KREMEN1: variants seen among roughly 807,000 people sequenced by gnomAD.
KREMEN1 encodes the protein kringle containing transmembrane protein 1.
A neutral mutation model predicts 46.5 loss-of-function variants in KREMEN1; 30 were observed. The ratio of observed to expected loss-of-function variants is 0.65; its 90% CI spans 0.48 to 0.88. The LOEUF (loss-of-function observed/expected upper bound fraction) is 0.88. KREMEN1 is among the 40% of genes least tolerant of loss of function. KREMEN1 has a pLI of 0.00. For synonymous variants in KREMEN1, 214 were observed against 230.6 expected (o/e 0.93, Z 0.65); for missense variants, 533 against 596.9 (o/e 0.89, Z 1.11).
In KREMEN1 at chr22:29,117,383, T is replaced by C. The variant is rs532828774; in HGVS notation, c.353-3974T>C. Among the ~76,000 whole-genome samples, 286 of 152,220 alleles carry C rather than the reference T, an allele frequency of 1.9e-3. 1 individual carries two copies. Among genetic ancestry groups the C allele is most frequent in the Middle Eastern group, 0.01 (3 of 294 alleles). On this transcript the variant is annotated intron_variant, in intron 3 of 8. Transcript: ENST00000400335. Reference sequence around the variant, plus strand: ...GAGATCGAGACCATCCTGGCTAACATGGTGAAACCCTGTCTGTACTAAAAA... The same window carrying C: ...GAGATCGAGACCATCCTGGCTAACACGGTGAAACCCTGTCTGTACTAAAAA...
rs1287882216 is a variant in KREMEN1, at chr22:29,142,369, T to C, written c.*257T>C. ...TGGGGCCCGGCCCTCTCTGCATCTC[T>C]CTCTGATCTAGCTAGCAGTGGGGGT... On this transcript the variant is annotated 3_prime_UTR_variant, in exon 9 of 9. Coordinates refer to ENST00000400335, the MANE Select transcript of KREMEN1 (RefSeq NM_001039570.3). 1.8e-5 allele frequency: 21 copies of C among 1,174,704 alleles called. No homozygotes were observed. Among genetic ancestry groups the C allele is most frequent in the Non-Finnish European group, 2.1e-5 (20 of 951,374 alleles). 72.8% of individuals were successfully genotyped at this position (1,174,704 alleles called of 1,614,324 possible). A position where few individuals can be genotyped will look rare whatever the true frequency, so the allele number is the denominator to read the frequency against.
Position 29,137,487 on chromosome 22 carries a change from C to A in KREMEN1, c.777C>A (p.Pro259=). The change falls in exon 6 of 9, where the codon CCC becomes CCA. Residue 259 remains proline, a synonymous_variant. Transcript: ENST00000400335. ...CCTCCCACATCCACTTCAGCTTCCC[C>A]CTATTTGACATCAGGGACTCGGCGG... ...PGASHIHFSF[P]LFDIRDSADM... 6.2e-7 allele frequency: 1 copy of A among 1,609,468 alleles called. No homozygotes were observed. Among genetic ancestry groups the A allele is most frequent in the Non-Finnish European group, 8.5e-7 (1 of 1,176,086 alleles).
chr22:29,137,333 C>T lies in KREMEN1; in HGVS notation c.632-9C>T. ...GACTGAGGGCGTGGTGTCTTTTTCT[C>T]TCCTACAGCTCTCGTGGGCGCCTGC... On this transcript the variant is annotated splice_polypyrimidine_tract_variant and intron_variant, in intron 5 of 8. Coordinates refer to ENST00000400335, the MANE Select transcript of KREMEN1 (RefSeq NM_001039570.3). 6.8e-7 allele frequency: 1 copy of T among 1,467,624 alleles called. No individual in the cohort carries two copies. Among genetic ancestry groups the T allele is most frequent in the Non-Finnish European group, 9.1e-7 (1 of 1,102,944 alleles). 90.9% of individuals were successfully genotyped at this position (1,467,624 alleles called of 1,614,324 possible). A position where few individuals can be genotyped will look rare whatever the true frequency, so the allele number is the denominator to read the frequency against.
intron 9 of KREMEN1, among the ~76,000 whole-genome samples, chr22:29,153,969 C>A (rs367960932): frequency 6.6e-4 from 93 of 140,470 alleles, no homozygotes; most frequent in South Asian, 1.6e-3. Flanking sequence ...GACTTCCTCT[C>A]AAAAAAAAAA....
rs374568974 is a variant in KREMEN1, at chr22:29,137,505, C to T, written c.795C>T (p.Asp265=). 1.2e-6 allele frequency: 2 copies of T among 1,611,102 alleles called. No homozygotes were observed. The highest frequency in any genetic ancestry group is 2.7e-5 in the African/African-American group (2 of 74,878). The change falls in exon 6 of 9, where the codon GAC becomes GAT. Residue 265 remains aspartate, a synonymous_variant. Coordinates refer to ENST00000400335, the MANE Select transcript of KREMEN1 (RefSeq NM_001039570.3). ...HFSFPLFDIR[D]SADMVELLDG... The stretch of plus-strand genomic sequence containing the variant: ...GCTTCCCCCTATTTGACATCAGGGA[C>T]TCGGCGGACATGGTGGAGCTTCTGG...
At chr22:29,079,740 T>A (rs1279845110) in intron 1 of KREMEN1, among the ~76,000 whole-genome samples, 1 of 152,220 alleles carries the variant, frequency 6.6e-6, no homozygotes, top group Non-Finnish European at 1.5e-5. Flanking sequence ...TGATTGACTC[T>A]GCGTGGTTTC....
intron 1 of KREMEN1, among the ~76,000 whole-genome samples, chr22:29,091,483 C>T (rs2037805652): frequency 6.6e-6 from 1 of 152,114 alleles, no homozygotes; most frequent in Non-Finnish European, 1.5e-5. Flanking sequence ...TTAAGGGGTA[C>T]AGTATGATGT....
chr22:29,165,004 C>G (rs550567036), intron 9 of KREMEN1, among the ~76,000 whole-genome samples: 31 of 152,006 alleles, frequency 2.0e-4, no homozygotes, highest in African/African-American at 7.5e-4. Context: ...GAAACCCCGT[C>G]CCTACTAAAA....
intron 9 of KREMEN1, among the ~76,000 whole-genome samples, chr22:29,164,746 C>CAAAAA (rs34444682): frequency 1.0e-4 from 7 of 68,616 alleles, no homozygotes; most frequent in African/African-American, 3.8e-4. Context: ...AACTCCATCT[C>CAAAAA]AAAAAAAAAA....
intron 1 of KREMEN1, among the ~76,000 whole-genome samples, chr22:29,077,538 G>A (rs936439047): frequency 3.3e-5 from 5 of 152,192 alleles, no homozygotes; most frequent in South Asian, 4.1e-4. Flanking sequence ...TAGTAGAGAC[G>A]GGGTTTCACC....
intron 2 of KREMEN1, among the ~76,000 whole-genome samples, chr22:29,094,767 G>A (rs1281948530): frequency 6.6e-6 from 1 of 151,990 alleles, no homozygotes; most frequent in Non-Finnish European, 1.5e-5. Flanking sequence ...GGGACTACAG[G>A]CGCCCGCCAA....
chr22:29,077,833 CTAACTT>C, intron 1 of KREMEN1, among the ~76,000 whole-genome samples: 1 of 152,116 alleles, frequency 6.6e-6, no homozygotes, highest in East Asian at 1.9e-4. Flanking sequence ...TTACTGTTAA[CTAACTT>C]TAAGATACAT....
rs201035044 is a variant in KREMEN1 at position 29,125,240 on chromosome 22, G to C, written c.478-23G>C. On this transcript the variant is annotated intron_variant, in intron 4 of 8. Transcript: ENST00000400335. ...TGACATCCCTGATGATGCTTACCGT[G>C]TGCTGCTTCTCTGTTGTGGCAGTTT... The C allele has an allele frequency of 2.9e-5, 47 of 1,613,134 alleles. No homozygotes were observed. The African/African-American group carries it at 5.3e-4, about 18-fold the overall frequency.
intron 5 of KREMEN1, among the ~76,000 whole-genome samples, chr22:29,131,397 C>CAAATATATAAGCAATCGAGATTAGGACA (rs1160968077): frequency 2.0e-5 from 3 of 150,106 alleles, no homozygotes; most frequent in Non-Finnish European, 4.4e-5. Flanking sequence ...TGGGATTTGA[C>CAAATATATAAGCAATCGAGATTAGGACA]AAATATATAA....
chr22:29,153,961 C>A (rs1377144404), intron 9 of KREMEN1, among the ~76,000 whole-genome samples: 1 of 109,976 alleles, frequency 9.1e-6, no homozygotes. Context: ...AACGGCAAGA[C>A]TTCCTCTCAA....
chr22:29,085,931 A>G (rs112056716), intron 1 of KREMEN1, among the ~76,000 whole-genome samples: 8,269 of 151,048 alleles, frequency 0.055, 274 homozygotes, highest in East Asian at 0.12. Flanking sequence ...TGATTGCTCC[A>G]CTGAACTCCA....
At chr22:29,148,438 A>G (rs1225251854), downstream of KREMEN1, among the ~76,000 whole-genome samples, 1 of 151,348 alleles carries the variant, frequency 6.6e-6, no homozygotes, top group Non-Finnish European at 1.5e-5. Flanking sequence ...CAAAGAACCT[A>G]TTGGCAAAAT....
chr22:29,158,618 G>A (rs2038984146), intron 9 of KREMEN1, among the ~76,000 whole-genome samples: 1 of 152,086 alleles, frequency 6.6e-6, no homozygotes, highest in African/African-American at 2.4e-5. Flanking sequence ...TCCAAGAAGG[G>A]GCCCCATATT....
At chr22:29,153,072 G>T (rs994148476) in intron 9 of KREMEN1, among the ~76,000 whole-genome samples, 1 of 152,204 alleles carries the variant, frequency 6.6e-6, no homozygotes, top group African/African-American at 2.4e-5. Context: ...ACCATATAGG[G>T]TAACTTCCAG....
Sources: gnomAD v4.1 joint callset for allele counts (sites outside exome capture counted in the v4.1 genomes callset) on GRCh38, gnomAD v4.1.1 for gene constraint, MANE v1.5 for transcripts, NCBI Gene and HGNC (gene_info 2026-07-23, HGNC 2026-07-21) for gene names.